EYS: variants seen among roughly 807,000 people sequenced by gnomAD.
EYS encodes EGF-like photoreceptor maintenance factor, also known as protein eyes shut homolog.
In EYS, 250 loss-of-function variants were observed where a neutral mutation model predicts 282.1. The observed-to-expected ratio is 0.89, with a 90% CI of 0.80 to 0.98. The LOEUF (loss-of-function observed/expected upper bound fraction) is 0.98. Ranked by LOEUF, EYS falls within the 50% of genes least tolerant of loss-of-function variation. The pLI is 0.00. For synonymous variants in EYS, 1,355 were observed against 1,282.9 expected (o/e 1.06, Z -1.20); for missense variants, 4,016 against 3,709.0 (o/e 1.08, Z -2.15).
At chr6:64,708,733 T>C (rs1583065948) in intron 22 of EYS, among the ~76,000 whole-genome samples, 1 of 152,326 alleles carries the variant, frequency 6.6e-6, no homozygotes, top group South Asian at 2.1e-4. Context: ...GCAAACTCAC[T>C]ACATGTATAG....
intron 26 of EYS, among the ~76,000 whole-genome samples, chr6:64,552,925 C>T (rs1329039011): frequency 1.4e-5 from 2 of 138,000 alleles, no homozygotes; most frequent in African/African-American, 5.2e-5. Flanking sequence ...TCCCCCCCGC[C>T]CCCTCCCCCC....
intron 2 of EYS, among the ~76,000 whole-genome samples, chr6:65,625,154 A>G (rs931076159): frequency 2.0e-5 from 3 of 152,126 alleles, no homozygotes; most frequent in African/African-American, 4.8e-5. Flanking sequence ...TGTCAGAAGG[A>G]AAACAGGGAC....
chr6:65,150,646 A>G (rs11962884), intron 12 of EYS, among the ~76,000 whole-genome samples: 39,006 of 151,738 alleles, frequency 0.26, 5,355 homozygotes, highest in African/African-American at 0.35. Context: ...TTCATCTGCC[A>G]TATATTGATT....
chr6:65,613,131 G>A (rs1433003921), intron 2 of EYS, among the ~76,000 whole-genome samples: 2 of 151,860 alleles, frequency 1.3e-5, no homozygotes, highest in East Asian at 3.9e-4. Flanking sequence ...ATACACGTCT[G>A]TCTTATAACT....
intron 5 of EYS, among the ~76,000 whole-genome samples, chr6:65,466,216 G>T (rs907449501): frequency 6.6e-6 from 1 of 151,898 alleles, no homozygotes; most frequent in East Asian, 1.9e-4. Context: ...ACTAAAAAAG[G>T]CATTGAGGTA....
intron 12 of EYS, among the ~76,000 whole-genome samples, chr6:65,126,633 A>G (rs1775727514): frequency 6.6e-6 from 1 of 152,184 alleles, no homozygotes; most frequent in African/African-American, 2.4e-5. Context: ...CGATTTTTAA[A>G]GAAGCACCCC....
intron 4 of EYS, among the ~76,000 whole-genome samples, chr6:65,492,891 T>C (rs1249036092): frequency 2.0e-5 from 3 of 152,144 alleles, no homozygotes; most frequent in Non-Finnish European, 4.4e-5. Flanking sequence ...AATGGCTTAT[T>C]GAGGTCTTCT....
Position 64,813,136 on chromosome 6 carries a change from G to T in EYS, c.3443+242C>A, listed in dbSNP as rs371267514. ...AAAGGAGAAGAGATAAAAAAACAAT[G>T]ATAAAATGAGGGATGATTTAACTGG... On this transcript the variant is annotated intron_variant, in intron 22 of 42. Transcript: ENST00000503581. Among the ~76,000 whole-genome samples, 341 of 151,804 alleles carry T rather than the reference G, an allele frequency of 2.2e-3. 6 individuals are homozygous for T. The highest frequency in any genetic ancestry group is 7.7e-3 in the African/African-American group (319 of 41,476).
intron 28 of EYS, among the ~76,000 whole-genome samples, chr6:64,403,890 G>T (rs1773618669): frequency 6.6e-6 from 1 of 152,128 alleles, no homozygotes; most frequent in African/African-American, 2.4e-5. Flanking sequence ...TTTCCTCTGA[G>T]AAACTGGATT....
intron 15 of EYS, among the ~76,000 whole-genome samples, chr6:64,919,456 A>T (rs1321847017): frequency 3.0e-5 from 4 of 133,876 alleles, no homozygotes; most frequent in Admixed American, 8.0e-5. Flanking sequence ...TTTATGGAGT[A>T]TGTATTCTAA....
rs191098718 is a variant in EYS, at chr6:65,001,631, C to T, written c.2138-3928G>A. Among the ~76,000 whole-genome samples the T allele has an allele frequency of 1.3e-3, 188 of 146,836 alleles. 21 individuals carry two copies. The South Asian group carries it at 0.015, about 12-fold the overall frequency. On this transcript the variant is annotated intron_variant, in intron 13 of 42. Transcript: ENST00000503581. ...CTACGGGTATCCAGGCTTGAGGATG[C>T]GGCCTTTGCCAGGGCATCTTGTACC...
chr6:65,332,382 T>C (rs568145892), intron 11 of EYS: 1 of 1,072,936 alleles, frequency 9.3e-7, no homozygotes, highest in East Asian at 2.6e-5. Flanking sequence ...TATATGTTGC[T>C]GAATTTGGTG....
At chr6:65,594,845 G>A (rs1765350224) in intron 2 of EYS, among the ~76,000 whole-genome samples, 1 of 152,038 alleles carries the variant, frequency 6.6e-6, no homozygotes, top group South Asian at 2.1e-4. Context: ...TTTGTATAAG[G>A]TGTAAGGAAG....
intron 36 of EYS, among the ~76,000 whole-genome samples, 199 bp from the exon 37 acceptor site, chr6:63,806,571 G>A (rs1311875680): frequency 6.6e-6 from 1 of 152,214 alleles, no homozygotes; most frequent in Non-Finnish European, 1.5e-5. Context: ...GCAGTGTTTT[G>A]AGATCTTCTA....
chr6:64,628,246 G>GTTT (rs11309731), intron 22 of EYS, among the ~76,000 whole-genome samples: 14 of 142,156 alleles, frequency 9.8e-5, no homozygotes, highest in African/African-American at 3.1e-4. Flanking sequence ...CCATAGCAGT[G>GTTT]TTTTTTTTTT....
At chr6:65,462,064 G>C (rs1470647672) in intron 5 of EYS, among the ~76,000 whole-genome samples, 1 of 151,952 alleles carries the variant, frequency 6.6e-6, no homozygotes, top group Non-Finnish European at 1.5e-5. Flanking sequence ...CTTTAAATGA[G>C]GGAATATCTT....
intron 5 of EYS, among the ~76,000 whole-genome samples, chr6:65,457,176 TA>T (rs1382229014): frequency 3.9e-5 from 6 of 152,170 alleles, no homozygotes; most frequent in African/African-American, 1.2e-4. Context: ...TTTATTTATT[TA>T]TTTTTTTAGA....
intron 16 of EYS, among the ~76,000 whole-genome samples, chr6:64,909,261 T>C (rs1014909230): frequency 2.6e-5 from 4 of 152,090 alleles, no homozygotes; most frequent in African/African-American, 9.7e-5. Flanking sequence ...AGTTACAAGA[T>C]AGATATGTAT....
At chr6:64,180,357 CA>C (rs1161295685) in intron 31 of EYS, among the ~76,000 whole-genome samples, 1 of 152,142 alleles carries the variant, frequency 6.6e-6, no homozygotes, top group African/African-American at 2.4e-5. Context: ...ACTTTATTCA[CA>C]AATGGTCATA....
Sources: gnomAD v4.1 joint callset for allele counts (sites outside exome capture counted in the v4.1 genomes callset) on GRCh38, gnomAD v4.1.1 for gene constraint, MANE v1.5 for transcripts, NCBI Gene and HGNC (gene_info 2026-07-23, HGNC 2026-07-21) for gene names.